Variants in RFTN2 observed in about 807,000 individuals in gnomAD.
RFTN2 encodes the protein raftlin-2.
A neutral mutation model predicts 52.7 loss-of-function variants in RFTN2; 34 were observed. That is an observed-to-expected ratio of 0.64 (90% CI 0.49 to 0.86). The LOEUF (loss-of-function observed/expected upper bound fraction) is 0.86. RFTN2 is among the 40% of genes least tolerant of loss of function. RFTN2 has a pLI of 0.00. For missense variants in RFTN2, 536 were observed against 600.1 expected, an observed-to-expected ratio of 0.89 and a Z score of 1.12; for synonymous variants, 203 against 217.7, an observed-to-expected ratio of 0.93 and a Z score of 0.59.
intron 7 of RFTN2, among the ~76,000 whole-genome samples, chr2:197,600,264 A>C (rs1281080945): frequency 6.6e-6 from 1 of 152,194 alleles, no homozygotes; most frequent in East Asian, 1.9e-4. Flanking sequence ...AACAGCAAAC[A>C]TGGAGATGGT....
At chr2:197,668,261 C>T (rs900658364) in intron 1 of RFTN2, among the ~76,000 whole-genome samples, 1 of 152,084 alleles carries the variant, frequency 6.6e-6, no homozygotes, top group African/African-American at 2.4e-5. Flanking sequence ...GGGAGTGAAG[C>T]TAGGCTAGAG....
chr2:197,622,037 C>G (rs1222436097), intron 5 of RFTN2, among the ~76,000 whole-genome samples: 1 of 152,200 alleles, frequency 6.6e-6, no homozygotes, highest in African/African-American at 2.4e-5. Flanking sequence ...CAGCCACAAG[C>G]AGTCCCTTAA....
intron 7 of RFTN2, among the ~76,000 whole-genome samples, chr2:197,611,205 A>G (rs957995088): frequency 6.6e-6 from 1 of 151,966 alleles, no homozygotes; most frequent in Non-Finnish European, 1.5e-5. Flanking sequence ...TCCTCTTTGT[A>G]CCTCTGGTAG....
chr2:197,602,066 T>A (rs190309984), intron 7 of RFTN2, among the ~76,000 whole-genome samples: 7 of 152,238 alleles, frequency 4.6e-5, no homozygotes, highest in East Asian at 3.9e-4. Context: ...ATCTTTTTTT[T>A]ATTATTATTA....
At chr2:197,598,312 C>A (rs1270035231) in intron 7 of RFTN2, among the ~76,000 whole-genome samples, 1 of 151,760 alleles carries the variant, frequency 6.6e-6, no homozygotes, top group Admixed American at 6.6e-5. Flanking sequence ...AGAAAGAGAA[C>A]CTATCTTAAA....
rs761733066 is a variant in RFTN2 at position 197,617,921 on chromosome 2, CCT to C, written c.929-2_929-1del. ...TTCCAAAGATTTAGGCAAATGTTCC[CCT>C]GTGAGGAAGAGGGTACAATTAAGAA... On this transcript the variant is annotated splice_acceptor_variant, in intron 5 of 8. Transcript: ENST00000295049. LOFTEE classifies it high-confidence loss of function. 3.1e-6 allele frequency: 5 copies of C among 1,600,476 alleles called. No homozygotes were observed. The East Asian group carries it at 1.1e-4, about 36-fold the overall frequency.
intron 7 of RFTN2, among the ~76,000 whole-genome samples, chr2:197,608,798 A>G (rs986509403): frequency 1.3e-5 from 2 of 151,566 alleles, no homozygotes; most frequent in Non-Finnish European, 2.9e-5. Flanking sequence ...CCACCCCACA[A>G]CAGGCCCCAG....
chr2:197,583,658 A>T (rs1454210090), intron 8 of RFTN2, among the ~76,000 whole-genome samples: 1 of 151,542 alleles, frequency 6.6e-6, no homozygotes, highest in African/African-American at 2.4e-5. Context: ...CTTTAAGTTC[A>T]AGGGTACATG....
chr2:197,569,372 T>C lies in RFTN2; in HGVS notation c.*2636A>G, dbSNP rs2087280774. 1 of 152,222 alleles carries C rather than the reference T, an allele frequency of 6.6e-6. No individual in the cohort carries two copies. Among genetic ancestry groups the C allele is most frequent in the Non-Finnish European group, 1.5e-5 (1 of 68,040 alleles). The allele number at this position is 152,222 out of a possible 1,614,324, so 9.4% of individuals were successfully genotyped here. On this transcript the variant is annotated 3_prime_UTR_variant, in exon 9 of 9. Coordinates refer to ENST00000295049, the MANE Select transcript of RFTN2 (RefSeq NM_144629.3). ...CTTAGGCATAGAGAGCCCAAGTTTT[T>C]TTCTTTTTTTAAAATAATAGGCTCA...
At chr2:197,618,079 T>TCCCTCC in intron 5 of RFTN2, 158 bp from the exon 6 acceptor site, 1 of 321,998 alleles carries the variant, frequency 3.1e-6, no homozygotes, top group African/African-American at 2.6e-5. Context: ...CCTCTCCCTC[T>TCCCTCC]CCCTCTCCCC....
chr2:197,670,967 A>G (rs1199752574), intron 1 of RFTN2, among the ~76,000 whole-genome samples: 1 of 152,124 alleles, frequency 6.6e-6, no homozygotes, highest in Admixed American at 6.6e-5. Context: ...AACATCTGTC[A>G]TATCTACCCC....
chr2:197,623,991 G>T (rs1049884953), intron 5 of RFTN2, among the ~76,000 whole-genome samples: 1 of 151,754 alleles, frequency 6.6e-6, no homozygotes, highest in African/African-American at 2.4e-5. Flanking sequence ...TAGAGATAGG[G>T]TTTCACCATG....
chr2:197,580,294 C>A (rs2087485206), intron 8 of RFTN2, among the ~76,000 whole-genome samples: 1 of 152,198 alleles, frequency 6.6e-6, no homozygotes. Flanking sequence ...GTGAGAGAAA[C>A]CCCAGCCACA....
rs956429224 is a variant in RFTN2, at chr2:197,569,452, G to C, written c.*2556C>G. Reference sequence around the variant, plus strand: ...AGAACCACTTGATCATAAATTATTCGCTATCATACAAATTCATCACATAAC... The same window carrying C: ...AGAACCACTTGATCATAAATTATTCCCTATCATACAAATTCATCACATAAC... On this transcript the variant is annotated 3_prime_UTR_variant, in exon 9 of 9. Transcript: ENST00000295049. 1.3e-5 allele frequency: 2 copies of C among 151,934 alleles called. No homozygotes were observed. Among genetic ancestry groups the C allele is most frequent in the African/African-American group, 4.8e-5 (2 of 41,334 alleles). The allele number at this position is 151,934 out of a possible 1,614,324, so 9.4% of individuals were successfully genotyped here. A position where few individuals can be genotyped will look rare whatever the true frequency, so the allele number is the denominator to read the frequency against.
chr2:197,640,315 C>T lies in RFTN2; in HGVS notation c.438+3843G>A, dbSNP rs912725112. ...TTACCTAAGGAAGCCTGGGCAATGG[C>T]GGGCGCCCCTCCCCCAGCCTCACTG... On this transcript the variant is annotated intron_variant, in intron 3 of 8. Transcript: ENST00000295049. Among the ~76,000 whole-genome samples, 4 of 152,006 alleles carry T rather than the reference C, an allele frequency of 2.6e-5. 1 individual carries two copies. Among genetic ancestry groups the T allele is most frequent in the Middle Eastern group, 6.3e-3 (2 of 316 alleles).
chr2:197,616,214 T>C (rs2106210693), intron 6 of RFTN2, among the ~76,000 whole-genome samples: 1 of 149,932 alleles, frequency 6.7e-6, no homozygotes. Context: ...TTTGGTCTTG[T>C]TAGGGCAGTG....
intron 1 of RFTN2, among the ~76,000 whole-genome samples, chr2:197,649,250 T>A (rs1443555539): frequency 6.6e-6 from 1 of 152,124 alleles, no homozygotes; most frequent in East Asian, 1.9e-4. Context: ...TGGGGATGGT[T>A]AAGAACATAC....
intron 1 of RFTN2, among the ~76,000 whole-genome samples, chr2:197,665,949 C>T (rs2089051627): frequency 6.6e-6 from 1 of 152,034 alleles, no homozygotes; most frequent in South Asian, 2.1e-4. Context: ...GTGTTTTATA[C>T]TTTTGTGTAT....
At chr2:197,654,036 A>G (rs1178539442) in intron 1 of RFTN2, among the ~76,000 whole-genome samples, 2 of 152,180 alleles carry the variant, frequency 1.3e-5, no homozygotes, top group Non-Finnish European at 2.9e-5. Context: ...TGAAAAGAAA[A>G]CTTATTACAT....
Sources: allele counts gnomAD v4.1 joint callset (sites outside exome capture counted in the v4.1 genomes callset), GRCh38; gene constraint gnomAD v4.1.1; transcripts MANE v1.5; gene names NCBI Gene and HGNC (gene_info 2026-07-23, HGNC 2026-07-21).